The following KCNH5 variants were observed in gnomAD, a reference collection of about 807,000 sequenced individuals.
KCNH5 encodes voltage-gated delayed rectifier potassium channel KCNH5.
KCNH5 carries 46 observed loss-of-function variants against 96.1 expected under a neutral mutation model. The ratio of observed to expected loss-of-function variants is 0.48; its 90% CI spans 0.38 to 0.61. The LOEUF (loss-of-function observed/expected upper bound fraction) is 0.61. Among genes scored for constraint, KCNH5 ranks in the 20% least tolerant of loss-of-function variants. The pLI is 0.00. For missense variants in KCNH5, 907 were observed against 1,225.8 expected, an observed-to-expected ratio of 0.74 and a Z score of 3.88; for synonymous variants, 439 against 449.8, an observed-to-expected ratio of 0.98 and a Z score of 0.30.
At chr14:62,735,161 T>A (rs549661527) in intron 10 of KCNH5, among the ~76,000 whole-genome samples, 43 of 152,300 alleles carry the variant, frequency 2.8e-4, no homozygotes, top group Middle Eastern at 6.8e-3. Context: ...AGCTTAATGA[T>A]ATTCAGTTTG....
chr14:62,948,334 C>T (rs1358205431), intron 7 of KCNH5, among the ~76,000 whole-genome samples: 1 of 152,052 alleles, frequency 6.6e-6, no homozygotes, highest in Non-Finnish European at 1.5e-5. Context: ...GATATCACCA[C>T]CGATCCCACA....
At chr14:62,709,403 TTG>T (rs1191140060) in intron 10 of KCNH5, among the ~76,000 whole-genome samples, 1 of 152,034 alleles carries the variant, frequency 6.6e-6, no homozygotes, top group Non-Finnish European at 1.5e-5. Context: ...GAACTAGAAT[TTG>T]TGAGGAAAAG....
chr14:62,882,685 A>G (rs1028746324), intron 7 of KCNH5, among the ~76,000 whole-genome samples: 1 of 152,184 alleles, frequency 6.6e-6, no homozygotes, highest in Non-Finnish European at 1.5e-5. Flanking sequence ...TTCTTTTTTA[A>G]TGTAGTTTAC....
chr14:62,919,975 A>G (rs955760773), intron 7 of KCNH5, among the ~76,000 whole-genome samples: 1 of 152,184 alleles, frequency 6.6e-6, no homozygotes, highest in Non-Finnish European at 1.5e-5. Context: ...GGTGATATCA[A>G]TTACTTTGAC....
At chr14:62,877,164 C>G (rs908729071) in intron 7 of KCNH5, among the ~76,000 whole-genome samples, 1 of 151,882 alleles carries the variant, frequency 6.6e-6, no homozygotes, top group East Asian at 1.9e-4. Context: ...AAACTGGATC[C>G]CTTCCTTACA....
At chr14:62,863,110 T>C (rs1333677661) in intron 7 of KCNH5, among the ~76,000 whole-genome samples, 2 of 152,202 alleles carry the variant, frequency 1.3e-5, no homozygotes, top group African/African-American at 4.8e-5. Flanking sequence ...GTTTAAAATA[T>C]TAATCATTCA....
Position 62,937,418 on chromosome 14 carries a change from C to T in KCNH5, c.1369+12715G>A, listed in dbSNP as rs114689624. On this transcript the variant is annotated intron_variant, in intron 7 of 10. Transcript: ENST00000322893. ...GGTCTGAAACCCTCAAAAGTCTTCC[C>T]ATCTGGCTCAAAGTAAGGGCTACTA... 7.1e-3 allele frequency among the ~76,000 whole-genome samples: 1,082 copies of T among 152,262 alleles called. 11 individuals carry two copies. The highest frequency in any genetic ancestry group is 0.025 in the African/African-American group (1,023 of 41,530).
intron 10 of KCNH5, among the ~76,000 whole-genome samples, chr14:62,716,990 A>G (rs532993398): frequency 2.0e-5 from 3 of 152,292 alleles, no homozygotes; most frequent in African/African-American, 2.4e-5. Context: ...TTGTATTTCT[A>G]TGCACTAGCC....
intron 10 of KCNH5, among the ~76,000 whole-genome samples, chr14:62,740,945 T>C (rs918353546): frequency 1.3e-5 from 2 of 152,176 alleles, no homozygotes; most frequent in African/African-American, 4.8e-5. Flanking sequence ...TAACTAAACT[T>C]ACTTTGCTAA....
intron 9 of KCNH5, among the ~76,000 whole-genome samples, chr14:62,788,267 T>C (rs1886360274): frequency 6.6e-6 from 1 of 152,152 alleles, no homozygotes; most frequent in Non-Finnish European, 1.5e-5. Context: ...AGGAAGTAAC[T>C]GCAGATGTAG....
At chr14:62,872,780 C>T (rs1888283202) in intron 7 of KCNH5, among the ~76,000 whole-genome samples, 1 of 152,144 alleles carries the variant, frequency 6.6e-6, no homozygotes, top group Non-Finnish European at 1.5e-5. Context: ...TAGAAAAGTT[C>T]TAAGAACTTG....
chr14:62,767,103 C>G (rs929363473), intron 10 of KCNH5, among the ~76,000 whole-genome samples: 4 of 152,020 alleles, frequency 2.6e-5, no homozygotes, highest in African/African-American at 9.7e-5. Flanking sequence ...TAGAGAAATG[C>G]ACATCAAAAC....
At chr14:62,834,366 A>G (rs1887422985) in intron 8 of KCNH5, among the ~76,000 whole-genome samples, 1 of 152,054 alleles carries the variant, frequency 6.6e-6, no homozygotes, top group Admixed American at 6.6e-5. Flanking sequence ...ATATTTATTG[A>G]ACACATCCCA....
intron 9 of KCNH5, among the ~76,000 whole-genome samples, chr14:62,784,366 C>T (rs962835573): frequency 7.9e-5 from 12 of 152,068 alleles, no homozygotes; most frequent in Admixed American, 2.0e-4. Flanking sequence ...ACAGCCAAAC[C>T]ATATCATTAT....
intron 10 of KCNH5, among the ~76,000 whole-genome samples, chr14:62,767,152 T>G (rs1040961285): frequency 1.1e-4 from 17 of 152,272 alleles, no homozygotes; most frequent in Middle Eastern, 3.4e-3. Flanking sequence ...GGAATGGCTA[T>G]TCTTAAAAAG....
intron 8 of KCNH5, among the ~76,000 whole-genome samples, chr14:62,836,854 T>C (rs915822652): frequency 2.6e-5 from 4 of 152,158 alleles, no homozygotes; most frequent in Non-Finnish European, 4.4e-5. Context: ...GCCTGGAACA[T>C]ACGGGGCATG....
At chr14:62,987,931 C>T (rs995012539) in intron 4 of KCNH5, among the ~76,000 whole-genome samples, 5 of 152,138 alleles carry the variant, frequency 3.3e-5, no homozygotes, top group Admixed American at 1.3e-4. Context: ...TCATTTCACA[C>T]ACTTCCATCT....
In KCNH5 at chr14:62,849,760, C is replaced by A; in HGVS notation, c.1462G>T (p.Val488Leu). 1 of 1,613,822 alleles carries A rather than the reference C, an allele frequency of 6.2e-7. No homozygotes were observed. The highest frequency in any genetic ancestry group is 2.2e-5 in the East Asian group (1 of 44,846). Residue 488 changes from valine to leucine, a missense_variant, in exon 8 of 11, where the codon GTA becomes TTA. Physicochemically the swap from Val to Leu is conservative, Grantham distance 32. Around this residue, in one of 6 missense-constraint regions of KCNH5, gnomAD observed 95 missense variants for 111.8 expected, o/e 0.85. Transcript: ENST00000322893. ...TNRYHEMLNN[V>L]RDFLKLYQVP... Reference sequence around the variant, plus strand: ...TGATAGAGTTTTAGGAAGTCCCGTACATTATTCAGCATCTCATGGTATCGG... The same window carrying A: ...TGATAGAGTTTTAGGAAGTCCCGTAAATTATTCAGCATCTCATGGTATCGG...
In KCNH5 at chr14:62,849,773, C is replaced by T. The variant is rs2140045589; in HGVS notation, c.1449G>A (p.Glu483=). Reference sequence around the variant, plus strand: ...GGAAGTCCCGTACATTATTCAGCATCTCATGGTATCGGTTGGTGTTGGCAT... The same window carrying T: ...GGAAGTCCCGTACATTATTCAGCATTTCATGGTATCGGTTGGTGTTGGCAT... The part of the protein sequence containing the change: ...QMYANTNRYH[E]MLNNVRDFLK... Residue 483 remains glutamate, a synonymous_variant, in exon 8 of 11, where the codon GAG becomes GAA. Transcript: ENST00000322893. 1 of 1,613,820 alleles carries T rather than the reference C, an allele frequency of 6.2e-7. No individual in the cohort carries two copies. The highest frequency in any genetic ancestry group is 8.5e-7 in the Non-Finnish European group (1 of 1,179,826).
Sources: allele counts gnomAD v4.1 joint callset (sites outside exome capture counted in the v4.1 genomes callset), GRCh38; gene constraint gnomAD v4.1.1; regional missense constraint gnomAD v4.1.1; transcripts MANE v1.5; gene names NCBI Gene and HGNC (gene_info 2026-07-23, HGNC 2026-07-21).